THSD7A: variants seen among roughly 807,000 people sequenced by gnomAD.
THSD7A encodes the protein thrombospondin type 1 domain containing 7A, also known as thrombospondin type-1 domain-containing protein 7A.
A neutral mutation model predicts 231.3 loss-of-function variants in THSD7A; 96 were observed. The ratio of observed to expected loss-of-function variants is 0.41; its 90% confidence interval spans 0.35 to 0.49. The LOEUF (loss-of-function observed/expected upper bound fraction) is 0.49, where lower values mean the gene tolerates loss of function less well. THSD7A is among the 20% of genes least tolerant of loss of function. The pLI, the probability that THSD7A is intolerant of heterozygous loss-of-function variation, is 0.05. For synonymous variants in THSD7A, 940 were observed against 743.3 expected, an observed-to-expected ratio of 1.26 and a Z score of -4.30; for missense variants, 2,290 against 2,070.2, an observed-to-expected ratio of 1.11 and a Z score of -2.06.
chr7:11,405,351 CTTAA>C (rs1783547906), intron 22 of THSD7A, among the ~76,000 whole-genome samples: 1 of 151,824 alleles, frequency 6.6e-6, no homozygotes. Context: ...TTGCCAAATC[CTTAA>C]TTTTTAATAT....
At chr7:11,795,389 G>C (rs767055274) in intron 1 of THSD7A, among the ~76,000 whole-genome samples, 1 of 151,944 alleles carries the variant, frequency 6.6e-6, no homozygotes, top group Non-Finnish European at 1.5e-5. Context: ...TATGATTTAT[G>C]ATAGGATAGT....
At chr7:11,631,200 C>T (rs898773747) in intron 2 of THSD7A, among the ~76,000 whole-genome samples, 1 of 152,026 alleles carries the variant, frequency 6.6e-6, no homozygotes, top group Non-Finnish European at 1.5e-5. Flanking sequence ...AGAGGAGTCT[C>T]TTTCATGCTT....
chr7:11,490,696 TCA>T (rs1179578085), intron 6 of THSD7A, among the ~76,000 whole-genome samples: 2 of 152,098 alleles, frequency 1.3e-5, no homozygotes, highest in African/African-American at 4.8e-5. Context: ...TTCATTCCTC[TCA>T]GTTGTTTTTA....
chr7:11,533,641 G>T (rs941103668), intron 6 of THSD7A, among the ~76,000 whole-genome samples: 2 of 152,092 alleles, frequency 1.3e-5, no homozygotes, highest in Admixed American at 6.6e-5. Context: ...AACACAGGAA[G>T]ATAAAACCAA....
At chr7:11,663,573 C>G (rs144446032) in intron 1 of THSD7A, among the ~76,000 whole-genome samples, 243 of 151,632 alleles carry the variant, frequency 1.6e-3, no homozygotes, top group African/African-American at 5.5e-3. Flanking sequence ...GTCCCAATAT[C>G]TGAGAAGACA....
chr7:11,704,631 T>A (rs1345872677), intron 1 of THSD7A, among the ~76,000 whole-genome samples: 1 of 151,004 alleles, frequency 6.6e-6, no homozygotes, highest in Non-Finnish European at 1.5e-5. Context: ...ATATTTCTAT[T>A]GATCTTATTC....
intron 4 of THSD7A, among the ~76,000 whole-genome samples, chr7:11,545,942 A>T (rs957412258): frequency 6.6e-6 from 1 of 152,166 alleles, no homozygotes; most frequent in Non-Finnish European, 1.5e-5. Context: ...GCACAAGCCC[A>T]GTCTGATCTC....
At position 11,566,965 on chromosome 7, in the gene THSD7A, T is replaced by TAGCGGGAGGG; in HGVS notation, c.1453+23494_1453+23495insCCCTCCCGCT. Among the ~76,000 whole-genome samples the TAGCGGGAGGG allele has an allele frequency of 8.7e-5, 8 of 92,374 alleles. 3 individuals carry two copies. The highest frequency in any genetic ancestry group is 4.4e-4 in the African/African-American group (8 of 18,058). The allele number at this position is 92,374 out of a possible 152,430, so 60.6% of individuals were successfully genotyped here. On this transcript the variant is annotated intron_variant, in intron 4 of 27. Transcript: ENST00000423059. ...CAAAGTGGATCCAGCTGTGGGAGAG[T>TAGCGGGAGGG]GGGGGGGGGACTGACCAACAAAGTT...
At chr7:11,708,870 C>A (rs1037055791) in intron 1 of THSD7A, among the ~76,000 whole-genome samples, 1 of 150,554 alleles carries the variant, frequency 6.6e-6, no homozygotes, top group Non-Finnish European at 1.5e-5. Context: ...AATGTGACTA[C>A]CAAATGTTTA....
chr7:11,382,573 C>T lies in THSD7A; in HGVS notation c.4455G>A (p.Lys1485=), dbSNP rs750312086. Residue 1485 remains lysine (K), a synonymous_variant, in exon 24 of 28, where the codon AAG becomes AAA. Coordinates refer to ENST00000423059, the MANE Select transcript of THSD7A (RefSeq NM_015204.3). ...YEYKWMASAW[K]GSSRTVWCQR... is the part of the protein sequence containing the mutation. ...GACACCACACTGTTCGGGAAGAGCC[C>T]TTCCAAGCACTGGCCATCCATTTAT... The T allele has an allele frequency of 5.0e-6, 8 of 1,612,824 alleles. No individual in the cohort carries two copies. Among genetic ancestry groups the T allele is most frequent in the Non-Finnish European group, 5.9e-6 (7 of 1,179,268 alleles).
At position 11,373,452 on chromosome 7, in the gene THSD7A, A is replaced by G. The variant is rs537436722; in HGVS notation, c.*2342T>C. Reference sequence around the variant, plus strand: ...TTGACAATCACAGTTTTAAAGTAACAATATTATTTTTTCTTCCTCTTTAAT... The same window carrying G: ...TTGACAATCACAGTTTTAAAGTAACGATATTATTTTTTCTTCCTCTTTAAT... On this transcript the variant is annotated 3_prime_UTR_variant, in exon 28 of 28. Coordinates refer to ENST00000423059, the MANE Select transcript of THSD7A (RefSeq NM_015204.3). The G allele has an allele frequency of 5.3e-5, 8 of 151,988 alleles. No homozygotes were observed. The highest frequency in any genetic ancestry group is 8.8e-5 in the Non-Finnish European group (6 of 67,960). 9.4% of individuals were successfully genotyped at this position (151,988 alleles called of 1,614,324 possible).
Position 11,479,452 on chromosome 7 carries a change from A to C in THSD7A, c.2017+2336T>G, listed in dbSNP as rs149132282. Among the ~76,000 whole-genome samples, 71 of 152,348 alleles carry C rather than the reference A, an allele frequency of 4.7e-4. No individual in the cohort carries two copies. The East Asian group carries it at 0.013, about 28-fold the overall frequency. Reference sequence around the variant, plus strand: ...TGGCACTTTCCTTTAAAGTTATCACAATCAGTGTCTGATCCACAGAAATTT... The same window carrying C: ...TGGCACTTTCCTTTAAAGTTATCACCATCAGTGTCTGATCCACAGAAATTT... On this transcript the variant is annotated intron_variant, in intron 7 of 27. Transcript: ENST00000423059.
intron 6 of THSD7A, among the ~76,000 whole-genome samples, chr7:11,517,383 A>G (rs933556464): frequency 2.0e-5 from 3 of 151,738 alleles, no homozygotes; most frequent in African/African-American, 7.3e-5. Context: ...CGGCCCCCAT[A>G]TCATTATTTT....
intron 6 of THSD7A, among the ~76,000 whole-genome samples, chr7:11,499,263 G>T (rs559547482): frequency 2.6e-3 from 389 of 152,250 alleles, no homozygotes; most frequent in Non-Finnish European, 3.9e-3. Flanking sequence ...TTCCATCTTG[G>T]GCTGACTACA....
intron 7 of THSD7A, among the ~76,000 whole-genome samples, chr7:11,476,875 G>A (rs963889556): frequency 1.3e-5 from 2 of 150,656 alleles, no homozygotes; most frequent in African/African-American, 4.9e-5. Flanking sequence ...TCATTTTCAT[G>A]TTTAATTCTG....
Position 11,382,632 on chromosome 7 carries a change from A to C in THSD7A, c.4412-16T>G. The C allele has an allele frequency of 6.3e-7, 1 of 1,590,012 alleles. No individual in the cohort carries two copies. The highest frequency in any genetic ancestry group is 8.6e-7 in the Non-Finnish European group (1 of 1,159,244). On this transcript the variant is annotated splice_polypyrimidine_tract_variant and intron_variant, in intron 23 of 27. Coordinates refer to ENST00000423059, the MANE Select transcript of THSD7A (RefSeq NM_015204.3). Reference sequence around the variant, plus strand: ...CACTGTCCATCTGCAGGGAAATAATAAACATTAGCAGAAGCATTCTGTTAC... The same window carrying C: ...CACTGTCCATCTGCAGGGAAATAATCAACATTAGCAGAAGCATTCTGTTAC...
intron 12 of THSD7A, 104 bp downstream of exon 12, chr7:11,447,126 G>T: frequency 9.7e-7 from 1 of 1,035,548 alleles, no homozygotes; most frequent in Non-Finnish European, 1.4e-6. Context: ...TAAATCCATT[G>T]GCATATTATT....
intron 2 of THSD7A, among the ~76,000 whole-genome samples, chr7:11,616,674 C>T (rs1204608860): frequency 6.6e-6 from 1 of 152,098 alleles, no homozygotes; most frequent in East Asian, 1.9e-4. Context: ...TCTCACGTTG[C>T]CCAGCCCTTC....
At chr7:11,779,539 G>T (rs990461690) in intron 1 of THSD7A, among the ~76,000 whole-genome samples, 5 of 152,176 alleles carry the variant, frequency 3.3e-5, no homozygotes, top group South Asian at 4.1e-4. Flanking sequence ...TCAAGGGCAT[G>T]TTCTTTCTTT....
Sources: gnomAD v4.1 joint callset for allele counts (sites outside exome capture counted in the v4.1 genomes callset) on GRCh38, gnomAD v4.1.1 for gene constraint, MANE v1.5 for transcripts, NCBI Gene and HGNC (gene_info 2026-07-23, HGNC 2026-07-21) for gene names.